The following B3GALT1 variants were observed in gnomAD, a reference collection of about 807,000 sequenced individuals.
The protein encoded by B3GALT1 is beta-1,3-galactosyltransferase 1, also known as UDP-Gal:betaGlcNAc beta 1,3-galactosyltransferase, polypeptide 1.
In B3GALT1, 10 loss-of-function variants were observed where a neutral mutation model predicts 23.2. That is an observed-to-expected ratio of 0.43 (90% CI 0.27 to 0.73). The LOEUF is 0.73. Among genes scored for constraint, B3GALT1 ranks in the 30% least tolerant of loss-of-function variants. The pLI is 0.21. For missense variants in B3GALT1, 299 were observed against 405.4 expected (o/e 0.74, Z 2.25); for synonymous variants, 156 against 141.5 (o/e 1.10, Z -0.73).
intron 4 of B3GALT1, among the ~76,000 whole-genome samples, chr2:167,827,203 C>T (rs1341199419): frequency 6.6e-6 from 1 of 152,148 alleles, no homozygotes; most frequent in Non-Finnish European, 1.5e-5. Flanking sequence ...CCCAAAACAG[C>T]CCTTCAAGTC....
At chr2:167,519,990 A>G (rs1432417100) in intron 2 of B3GALT1, among the ~76,000 whole-genome samples, 1 of 151,958 alleles carries the variant, frequency 6.6e-6, no homozygotes, top group African/African-American at 2.4e-5. Context: ...GGTTGCAGTG[A>G]GCCAAGATTG....
chr2:167,420,803 A>G (rs1302848395), intron 1 of B3GALT1, among the ~76,000 whole-genome samples: 2 of 152,202 alleles, frequency 1.3e-5, no homozygotes, highest in South Asian at 2.1e-4. Flanking sequence ...CAAATGATGC[A>G]TACTTTGTTA....
chr2:167,520,743 A>C (rs1468524092), intron 2 of B3GALT1, among the ~76,000 whole-genome samples: 1 of 152,166 alleles, frequency 6.6e-6, no homozygotes, highest in Non-Finnish European at 1.5e-5. Flanking sequence ...TACAATTCTT[A>C]AAAGAAATGC....
chr2:167,503,924 G>A (rs906989224), intron 2 of B3GALT1, among the ~76,000 whole-genome samples: 2 of 151,928 alleles, frequency 1.3e-5, no homozygotes, highest in South Asian at 4.2e-4. Flanking sequence ...TTATATTCTA[G>A]GTGTCTTTTT....
intron 3 of B3GALT1, among the ~76,000 whole-genome samples, chr2:167,747,059 A>G (rs748334839): frequency 9.9e-5 from 15 of 152,122 alleles, no homozygotes; most frequent in Non-Finnish European, 1.6e-4. Context: ...AATTCCGATG[A>G]TTTAAAGCAT....
chr2:167,719,535 T>C (rs889580168), intron 3 of B3GALT1, among the ~76,000 whole-genome samples: 1 of 152,228 alleles, frequency 6.6e-6, no homozygotes, highest in Non-Finnish European at 1.5e-5. Context: ...GTCCCAACTT[T>C]ATACCTGCAG....
chr2:167,700,321 T>C (rs1474230295), intron 3 of B3GALT1, among the ~76,000 whole-genome samples: 1 of 152,198 alleles, frequency 6.6e-6, no homozygotes, highest in African/African-American at 2.4e-5. Flanking sequence ...GCAATCTATA[T>C]GGGAAAGGTT....
chr2:167,582,276 G>A (rs191369035), intron 2 of B3GALT1, among the ~76,000 whole-genome samples: 7 of 152,248 alleles, frequency 4.6e-5, no homozygotes, highest in Admixed American at 4.6e-4. Flanking sequence ...AATTCAAATG[G>A]TTTTGAAAAC....
intron 3 of B3GALT1, among the ~76,000 whole-genome samples, chr2:167,816,696 T>A (rs1333142250): frequency 6.6e-6 from 1 of 152,246 alleles, no homozygotes; most frequent in African/African-American, 2.4e-5. Context: ...AGGAAATGTT[T>A]TAAAAATATC....
chr2:167,523,989 A>T (rs1683176580), intron 2 of B3GALT1, among the ~76,000 whole-genome samples: 1 of 152,122 alleles, frequency 6.6e-6, no homozygotes, highest in African/African-American at 2.4e-5. Context: ...GCAAATGATT[A>T]TTCTTTTATA....
intron 4 of B3GALT1, chr2:167,862,826 T>C (rs1690130544): frequency 6.6e-6 from 1 of 152,206 alleles, no homozygotes; most frequent in Non-Finnish European, 1.5e-5. Context: ...GCTTCTTAAA[T>C]TGAAAATTCT....
chr2:167,354,926 G>T (rs1030934821), intron 1 of B3GALT1, among the ~76,000 whole-genome samples: 1 of 152,096 alleles, frequency 6.6e-6, no homozygotes, highest in African/African-American at 2.4e-5. Flanking sequence ...AAATTGGTTT[G>T]CCAGAATGTG....
At chr2:167,731,120 T>C (rs1687402876) in intron 3 of B3GALT1, among the ~76,000 whole-genome samples, 2 of 152,212 alleles carry the variant, frequency 1.3e-5, no homozygotes, top group South Asian at 4.1e-4. Flanking sequence ...TTTAGAGTTC[T>C]GGTTCTGTAA....
At chr2:167,704,099 T>G (rs934025377) in intron 3 of B3GALT1, among the ~76,000 whole-genome samples, 1 of 144,408 alleles carries the variant, frequency 6.9e-6, no homozygotes, top group African/African-American at 2.6e-5. Context: ...GGGAATGGCG[T>G]GAACCCGGGA....
intron 2 of B3GALT1, among the ~76,000 whole-genome samples, chr2:167,617,771 AG>A (rs992644069): frequency 2.6e-5 from 4 of 152,062 alleles, no homozygotes; most frequent in Non-Finnish European, 5.9e-5. Flanking sequence ...TGAGGAAAGT[AG>A]GGGCATCAAG....
At chr2:167,598,857 T>G (rs1431768029) in intron 2 of B3GALT1, among the ~76,000 whole-genome samples, 2 of 152,230 alleles carry the variant, frequency 1.3e-5, no homozygotes, top group Non-Finnish European at 2.9e-5. Flanking sequence ...ATAAACTCGA[T>G]CGTAAGAGTG....
intron 1 of B3GALT1, among the ~76,000 whole-genome samples, chr2:167,400,180 G>GTGTGTGTC (rs1698164826): frequency 6.6e-6 from 1 of 151,246 alleles, no homozygotes; most frequent in African/African-American, 2.4e-5. Context: ...GTGTGTGTGT[G>GTGTGTGTC]TGTGTGTGTG....
At chr2:167,765,028 T>C (rs1687955462) in intron 3 of B3GALT1, among the ~76,000 whole-genome samples, 1 of 152,132 alleles carries the variant, frequency 6.6e-6, no homozygotes, top group Non-Finnish European at 1.5e-5. Flanking sequence ...CCCACCTGCA[T>C]CAGAAAACCG....
rs893973014 is a variant in B3GALT1 at position 167,612,740 on chromosome 2, A to G, written c.-409-34169A>G. Among the ~76,000 whole-genome samples, 4 of 152,086 alleles carry G rather than the reference A, an allele frequency of 2.6e-5. No homozygotes were observed. In the East Asian group the frequency reaches 7.7e-4, roughly 29 times the overall value. Reference sequence around the variant, plus strand: ...AATATCCTTTTTGCTTTGAAGAATAACATGTTAGTACTGATAATGATGTCA... The same window carrying G: ...AATATCCTTTTTGCTTTGAAGAATAGCATGTTAGTACTGATAATGATGTCA... On this transcript the variant is annotated intron_variant, in intron 2 of 4. Transcript: ENST00000392690.
Sources: gnomAD v4.1 joint callset for allele counts (sites outside exome capture counted in the v4.1 genomes callset) on GRCh38, gnomAD v4.1.1 for gene constraint, MANE v1.5 for transcripts, NCBI Gene and HGNC (gene_info 2026-07-23, HGNC 2026-07-21) for gene names.